ATP2C1: variants seen among roughly 807,000 people sequenced by gnomAD.
ATP2C1 encodes the protein calcium-transporting ATPase type 2C member 1.
A neutral mutation model predicts 120.5 loss-of-function variants in ATP2C1; 31 were observed. That is an observed-to-expected ratio of 0.26 (90% CI 0.19 to 0.35). ATP2C1 has a LOEUF of 0.35. Among genes scored for constraint, ATP2C1 ranks in the 10% least tolerant of loss-of-function variants. The pLI is 1.00. For missense variants in ATP2C1, 731 were observed against 1,107.5 expected, an observed-to-expected ratio of 0.66 and a Z score of 4.83; for synonymous variants, 351 against 358.7, an observed-to-expected ratio of 0.98 and a Z score of 0.24.
chr3:130,937,400 G>A (rs1364185536), intron 5 of ATP2C1, 28 bp from the exon 6 acceptor site: 2 of 1,605,218 alleles, frequency 1.2e-6, no homozygotes, highest in East Asian at 4.5e-5. Context: ...GTTAATGTCT[G>A]ATTTAAAAGC....
chr3:130,894,664 G>A lies in ATP2C1; in HGVS notation c.-106G>A. 1.9e-6 allele frequency: 3 copies of A among 1,610,518 alleles called. No homozygotes were observed. The highest frequency in any genetic ancestry group is 2.5e-6 in the Non-Finnish European group (3 of 1,177,682). ...GCGGGGGTGACAGCCTGGGATTCCG[G>A]GGGCTTCTCTTCCTTGTCCTCCTCC... On this transcript the variant is annotated 5_prime_UTR_variant, in exon 2 of 28. Coordinates refer to ENST00000510168, the MANE Select transcript of ATP2C1 (RefSeq NM_001378687.1). The surrounding 1 kb of genome is among the most constrained non-coding windows in gnomAD (Gnocchi z 4.5).
At chr3:130,966,210 C>T (rs1360547653) in intron 14 of ATP2C1, among the ~76,000 whole-genome samples, 9 of 152,086 alleles carry the variant, frequency 5.9e-5, no homozygotes, top group Admixed American at 5.9e-4. Context: ...TTGATATTTA[C>T]GGTGTTAGAT....
At chr3:130,868,250 G>A (rs1172132368) in intron 1 of ATP2C1, 4 of 144,156 alleles carry the variant, frequency 2.8e-5, no homozygotes, top group African/African-American at 1.0e-4. Context: ...GGGAGGTGGG[G>A]GGGTCAGCCC....
At chr3:130,966,114 T>C (rs1461153956) in intron 14 of ATP2C1, among the ~76,000 whole-genome samples, 1 of 152,116 alleles carries the variant, frequency 6.6e-6, no homozygotes, top group East Asian at 1.9e-4. Context: ...GCTAATTCAT[T>C]GAGAAAAATA....
intron 2 of ATP2C1, among the ~76,000 whole-genome samples, chr3:130,905,717 C>T (rs138346402): frequency 3.9e-4 from 59 of 152,218 alleles, no homozygotes; most frequent in African/African-American, 1.3e-3. Flanking sequence ...CAGTATCCCT[C>T]TCCCATTTAT....
chr3:130,908,546 A>G (rs1457630687), intron 2 of ATP2C1, among the ~76,000 whole-genome samples: 1 of 152,106 alleles, frequency 6.6e-6, no homozygotes, highest in African/African-American at 2.4e-5. Flanking sequence ...GAAATAGTTA[A>G]CAGAGATTAC....
intron 1 of ATP2C1, among the ~76,000 whole-genome samples, chr3:130,873,318 T>C (rs1222762633): frequency 6.6e-6 from 1 of 152,200 alleles, no homozygotes; most frequent in East Asian, 1.9e-4. Flanking sequence ...CACTGAGAAA[T>C]TCTTGAGCAG....
chr3:130,956,281 T>A (rs1403436862), intron 11 of ATP2C1, 102 bp downstream of exon 11: 3 of 665,550 alleles, frequency 4.5e-6, no homozygotes, highest in Non-Finnish European at 5.0e-6. Flanking sequence ...TTCTTTTTTT[T>A]ATTAAGTTTA....
chr3:131,015,227 T>A, intron 26 of ATP2C1: 1 of 702,362 alleles, frequency 1.4e-6, no homozygotes, highest in Non-Finnish European at 2.6e-6. Context: ...CGTCCATATA[T>A]CCTCATTCAA....
Position 130,994,076 on chromosome 3 carries a change from G to A in ATP2C1, c.2035G>A (p.Asp679Asn), listed in dbSNP as rs767996194. The A allele has an allele frequency of 4.3e-6, 7 of 1,613,962 alleles. No individual in the cohort carries two copies. In the East Asian group the frequency reaches 1.3e-4, roughly 31 times the overall value. Residue 679 changes from aspartate to asparagine, a missense_variant, in exon 22 of 28, where the codon GAT (aspartate) becomes AAT (asparagine). Physicochemically the swap from Asp to Asn is conservative, Grantham distance 23 (BLOSUM62 1). Transcript: ENST00000510168. ...CKEAADMILVDDDFQTIMSAI... is the reference protein window; with the variant it reads ...CKEAADMILVNDDFQTIMSAI... ...AGAGGCAGCAGACATGATCCTAGTG[G>A]ATGATGATTTTCAAACCATAATGTA...
At chr3:130,970,330 G>A (rs2061239534) in intron 17 of ATP2C1, among the ~76,000 whole-genome samples, 1 of 149,660 alleles carries the variant, frequency 6.7e-6, no homozygotes, top group South Asian at 2.1e-4. Flanking sequence ...TCACCCCAGT[G>A]CACTCCAGCC....
At chr3:130,906,025 A>G (rs2058105355) in intron 2 of ATP2C1, among the ~76,000 whole-genome samples, 1 of 152,074 alleles carries the variant, frequency 6.6e-6, no homozygotes, top group South Asian at 2.1e-4. Flanking sequence ...TAATTCTCTC[A>G]TAGCTGTGGT....
At chr3:131,016,043 GTTTTT>G in intron 26 of ATP2C1, 1 of 1,270,864 alleles carries the variant, frequency 7.9e-7, no homozygotes, top group Non-Finnish European at 1.1e-6. Flanking sequence ...TTTTGTTTTG[GTTTTT>G]TTTTTTAAGT....
rs141480387 is a variant in ATP2C1, at chr3:130,888,137, G to A, written c.108+37209G>A. ...GTCTAGACGTGTCATCTATGAGTTA[G>A]GGTCTAGCATGGGGGCCTCATGACT... is the stretch of plus-strand genomic sequence containing the variant. On this transcript the variant is annotated intron_variant, in intron 1 of 26. Coordinates refer to the ATP2C1 transcript ENST00000504381. 7.9e-4 allele frequency among the ~76,000 whole-genome samples: 121 copies of A among 152,260 alleles called. No homozygotes were observed. The East Asian group carries it at 0.015, about 19-fold the overall frequency.
intron 1 of ATP2C1, among the ~76,000 whole-genome samples, chr3:130,888,045 G>T (rs576134943): frequency 6.6e-6 from 1 of 152,276 alleles, no homozygotes; most frequent in East Asian, 1.9e-4. Context: ...TTATTCACAG[G>T]TGATGAATCC....
At chr3:130,867,320 C>CTCCCTG (rs2068213385) in intron 1 of ATP2C1, among the ~76,000 whole-genome samples, 1 of 149,878 alleles carries the variant, frequency 6.7e-6, no homozygotes. Context: ...CCCTCTCCCT[C>CTCCCTG]TCCCTCTCCC....
At chr3:130,857,629 G>T (rs558701272) in intron 1 of ATP2C1, among the ~76,000 whole-genome samples, 2 of 152,292 alleles carry the variant, frequency 1.3e-5, no homozygotes, top group Admixed American at 6.5e-5. Context: ...CCATGCTTAT[G>T]ATCTTTCACT....
chr3:130,967,982 G>C (rs1217242200), intron 16 of ATP2C1, among the ~76,000 whole-genome samples: 7 of 152,136 alleles, frequency 4.6e-5, no homozygotes, highest in African/African-American at 1.7e-4. Flanking sequence ...GAGAAACCTA[G>C]TAAGTCCAGC....
Position 130,894,382 on chromosome 3 carries a change from A to T in ATP2C1, c.-181+45A>T. On this transcript the variant is annotated intron_variant, in intron 1 of 27. Transcript: ENST00000510168. The surrounding 1 kb of genome is among the most constrained non-coding windows in gnomAD (Gnocchi z 4.5). ...CCTGCCCCCATTTCTAGAAACTTCC[A>T]GGTTCTGAAGGAAGGGGAGGTTCGG... is the stretch of plus-strand genomic sequence containing the variant. The T allele has an allele frequency of 8.9e-7, 1 of 1,122,240 alleles. No individual in the cohort carries two copies. Among genetic ancestry groups the T allele is most frequent in the Non-Finnish European group, 1.1e-6 (1 of 909,980 alleles). The allele number at this position is 1,122,240 out of a possible 1,614,324, so 69.5% of individuals were successfully genotyped here. A position where few individuals can be genotyped will look rare whatever the true frequency, so the allele number is the denominator to read the frequency against.
Sources: allele counts gnomAD v4.1 joint callset (sites outside exome capture counted in the v4.1 genomes callset), GRCh38; gene constraint gnomAD v4.1.1; non-coding constraint Gnocchi (gnomAD v3.1); transcripts MANE v1.5; gene names NCBI Gene and HGNC (gene_info 2026-07-23, HGNC 2026-07-21).